Variants in GXYLT2 observed in about 807,000 individuals in gnomAD.
GXYLT2 encodes glucoside xylosyltransferase 2, also known as glycosyltransferase 8 domain containing 4.
GXYLT2 carries 53 observed loss-of-function variants against 45.8 expected under a neutral mutation model. The observed-to-expected ratio is 1.16, with a 90% CI of 0.93 to 1.46. GXYLT2 has a LOEUF of 1.46. Among genes scored for constraint, GXYLT2 ranks in the 40% most tolerant of loss-of-function variants. GXYLT2 has a pLI of 0.00. For synonymous variants in GXYLT2, 219 were observed against 214.2 expected (o/e 1.02, Z -0.19); for missense variants, 551 against 544.4 (o/e 1.01, Z -0.12).
chr3:72,967,995 A>T (rs1164983282), intron 6 of GXYLT2, among the ~76,000 whole-genome samples: 1 of 152,114 alleles, frequency 6.6e-6, no homozygotes, highest in African/African-American at 2.4e-5. Flanking sequence ...GTTTTCTGAG[A>T]TGGAGTCTTG....
intron 6 of GXYLT2, among the ~76,000 whole-genome samples, chr3:72,970,036 T>G (rs946273996): frequency 6.7e-6 from 1 of 149,656 alleles, no homozygotes; most frequent in Non-Finnish European, 1.5e-5. Context: ...GCAGCCAACA[T>G]AGTGAGACCC....
chr3:72,929,367 A>G (rs534790426), intron 3 of GXYLT2: 7 of 1,064,362 alleles, frequency 6.6e-6, no homozygotes, highest in Non-Finnish European at 1.0e-5. Context: ...CATTTGGGGA[A>G]AAAAAAATAT....
At chr3:72,958,263 A>G (rs1710688612) in intron 5 of GXYLT2, among the ~76,000 whole-genome samples, 2 of 132,254 alleles carry the variant, frequency 1.5e-5, no homozygotes, top group Non-Finnish European at 3.2e-5. Flanking sequence ...ACAGAGCGAG[A>G]CTCTGTCTCA....
intron 1 of GXYLT2, among the ~76,000 whole-genome samples, chr3:72,903,163 A>C (rs904082018): frequency 2.0e-5 from 3 of 152,206 alleles, no homozygotes; most frequent in African/African-American, 7.2e-5. Context: ...GCTGCATTGG[A>C]GTCTCAATGT....
At position 72,957,245 on chromosome 3, in the gene GXYLT2, C is replaced by T. The variant is rs192148048; in HGVS notation, c.869C>T (p.Thr290Ile). The T allele has an allele frequency of 3.1e-5, 50 of 1,612,598 alleles. No individual in the cohort carries two copies. The Admixed American group carries it at 3.2e-4, about 10-fold the overall frequency. Residue 290 changes from threonine to isoleucine, a missense_variant, in exon 5 of 7, where the codon ACA (threonine) becomes ATA (isoleucine). Thr to Ile is a moderately conservative substitution (Grantham distance 89, BLOSUM62 -1). Transcript: ENST00000389617. ...TTTTTCCAGAACAGCATGATTCCAA[C>T]AGGCCTGGCTTGGGAGGACATGTTG... ...STQFKNSMIP[T>I]GLAWEDMLYP...
chr3:72,956,610 G>C (rs79180464), intron 4 of GXYLT2, among the ~76,000 whole-genome samples: 2 of 151,998 alleles, frequency 1.3e-5, no homozygotes, highest in African/African-American at 4.8e-5. Context: ...GAAAGACTTC[G>C]CCTCTTAGGT....
At chr3:72,908,678 A>G in intron 2 of GXYLT2, 119 bp downstream of exon 2, 1 of 808,742 alleles carries the variant, frequency 1.2e-6, no homozygotes, top group Non-Finnish European at 1.9e-6. Context: ...GACTTTGAAC[A>G]CTTGACTCTG....
chr3:72,944,043 G>T lies in GXYLT2; in HGVS notation c.601-11055G>T, dbSNP rs1710352779. Among the ~76,000 whole-genome samples, 3 of 151,934 alleles carry T rather than the reference G, an allele frequency of 2.0e-5. No homozygotes were observed. The South Asian group carries it at 6.2e-4, about 32-fold the overall frequency. ...TTATACATCAAGACTGTGACTTTCT[G>T]ATTCTGTATAGATTAATAGTTGATA... is the stretch of plus-strand genomic sequence containing the variant. On this transcript the variant is annotated intron_variant, in intron 3 of 6. Transcript: ENST00000389617.
intron 3 of GXYLT2, among the ~76,000 whole-genome samples, chr3:72,924,692 C>T (rs79873798): frequency 0.016 from 2,426 of 152,062 alleles, 59 homozygotes; most frequent in African/African-American, 0.055. Flanking sequence ...CTGCCTGAAA[C>T]GGAATTTACC....
At chr3:72,891,357 C>T (rs984943276) in intron 1 of GXYLT2, among the ~76,000 whole-genome samples, 1 of 152,138 alleles carries the variant, frequency 6.6e-6, no homozygotes, top group Non-Finnish European at 1.5e-5. Context: ...GAAATTCTGC[C>T]ACGTCAACGC....
intron 6 of GXYLT2, among the ~76,000 whole-genome samples, chr3:72,967,953 A>G (rs1190793982): frequency 6.6e-6 from 1 of 152,018 alleles, no homozygotes; most frequent in Non-Finnish European, 1.5e-5. Flanking sequence ...AACCAAATTT[A>G]CTTTAGGAGG....
chr3:72,959,159 C>T lies in GXYLT2; in HGVS notation c.976+1807C>T, dbSNP rs569446988. Among the ~76,000 whole-genome samples, 7 of 134,414 alleles carry T rather than the reference C, an allele frequency of 5.2e-5. No individual in the cohort carries two copies. The South Asian group carries it at 1.7e-3, about 33-fold the overall frequency. The allele number at this position is 134,414 out of a possible 152,430, so 88.2% of individuals were successfully genotyped here. ...TTGAGAGGGAGTCTTGCTCTGTCACCTAGGCTGGAGTGCAGTGGCATGATC... is the reference window on the plus strand; with the variant it reads ...TTGAGAGGGAGTCTTGCTCTGTCACTTAGGCTGGAGTGCAGTGGCATGATC... On this transcript the variant is annotated intron_variant, in intron 5 of 6. Transcript: ENST00000389617.
Position 72,934,789 on chromosome 3 carries a change from T to TA in GXYLT2, c.600+12460dup, listed in dbSNP as rs550565522. ...ATTATGTTGAAAACATGAGATTCAG[T>TA]AAAAAACTTACACATGAATGTTAAG... On this transcript the variant is annotated intron_variant, in intron 3 of 6. Coordinates refer to ENST00000389617, the MANE Select transcript of GXYLT2 (RefSeq NM_001080393.2). Among the ~76,000 whole-genome samples the TA allele has an allele frequency of 1.4e-4, 21 of 152,258 alleles. No individual in the cohort carries two copies. The South Asian group carries it at 4.3e-3, about 32-fold the overall frequency.
chr3:72,910,016 G>C (rs1489484087), intron 2 of GXYLT2, among the ~76,000 whole-genome samples: 1 of 152,168 alleles, frequency 6.6e-6, no homozygotes, highest in African/African-American at 2.4e-5. Flanking sequence ...AATAGTCTTG[G>C]GGCTTTGGAA....
intron 3 of GXYLT2, among the ~76,000 whole-genome samples, chr3:72,946,565 C>G (rs1710411158): frequency 6.6e-6 from 1 of 152,138 alleles, no homozygotes; most frequent in South Asian, 2.1e-4. Flanking sequence ...GACCTGCTTC[C>G]TGATTCATAG....
At chr3:72,894,019 A>C (rs1409344583) in intron 1 of GXYLT2, among the ~76,000 whole-genome samples, 2 of 152,198 alleles carry the variant, frequency 1.3e-5, no homozygotes, top group African/African-American at 2.4e-5. Flanking sequence ...CATATGACCC[A>C]AACTGGCCCA....
intron 3 of GXYLT2, among the ~76,000 whole-genome samples, chr3:72,945,414 C>T (rs1321145664): frequency 6.6e-6 from 1 of 152,204 alleles, no homozygotes; most frequent in Non-Finnish European, 1.5e-5. Context: ...ATGGGCCAGG[C>T]ACACAGACTT....
intron 3 of GXYLT2, among the ~76,000 whole-genome samples, chr3:72,923,138 C>G (rs1709858519): frequency 6.6e-6 from 1 of 152,084 alleles, no homozygotes; most frequent in South Asian, 2.1e-4. Context: ...GTCTGTAATC[C>G]CAGCTACTCA....
chr3:72,956,773 T>G (rs1710657496), intron 4 of GXYLT2, among the ~76,000 whole-genome samples: 1 of 151,776 alleles, frequency 6.6e-6, no homozygotes, highest in South Asian at 2.1e-4. Context: ...ACCCGTAGTC[T>G]CAGCTGCCTG....
Sources: allele counts gnomAD v4.1 joint callset (sites outside exome capture counted in the v4.1 genomes callset), GRCh38; gene constraint gnomAD v4.1.1; transcripts MANE v1.5; gene names NCBI Gene and HGNC (gene_info 2026-07-23, HGNC 2026-07-21).